NRXN3: variants seen among roughly 807,000 people sequenced by gnomAD.
NRXN3 encodes the protein neurexin III.
A neutral mutation model predicts 137.6 loss-of-function variants in NRXN3; 32 were observed. That is an observed-to-expected ratio of 0.23 (90% CI 0.18 to 0.31). The LOEUF (loss-of-function observed/expected upper bound fraction) is 0.31. NRXN3 is among the 10% of genes least tolerant of loss of function. The pLI is 1.00. For synonymous variants in NRXN3, 798 were observed against 784.5 expected, an observed-to-expected ratio of 1.02 and a Z score of -0.29; for missense variants, 1,574 against 2,062.5, an observed-to-expected ratio of 0.76 and a Z score of 4.59.
rs528720131 is a variant in NRXN3, at chr14:79,788,537, G to T, written c.4015-16575G>T. On this transcript the variant is annotated intron_variant, in intron 19 of 20. Transcript: ENST00000335750. ...ATCCATTTCAAACCACATAACAATA[G>T]CATGAAGTAGATGTCACTGACTCAA... 2.0e-5 allele frequency among the ~76,000 whole-genome samples: 3 copies of T among 152,240 alleles called. No homozygotes were observed. In the East Asian group the frequency reaches 5.8e-4, roughly 29 times the overall value.
In NRXN3 at chr14:78,610,672, A is replaced by G. The variant is rs1487026411; in HGVS notation, c.758-34448A>G. Among the ~76,000 whole-genome samples, 3 of 152,234 alleles carry G rather than the reference A, an allele frequency of 2.0e-5. No individual in the cohort carries two copies. In the East Asian group the frequency reaches 5.8e-4, roughly 29 times the overall value. ...GCCCAGGTATTGATGTCCTTGATGA[A>G]ACTGGTTTTTGTATTCTGAATGTTG... On this transcript the variant is annotated intron_variant, in intron 4 of 20. Transcript: ENST00000335750.
chr14:79,648,665 T>G (rs2098462218), intron 16 of NRXN3, among the ~76,000 whole-genome samples: 1 of 86,118 alleles, frequency 1.2e-5, no homozygotes, highest in South Asian at 3.3e-4. Flanking sequence ...GTTTGTGTAT[T>G]GTGCCTCTCT....
In NRXN3 at chr14:78,216,929, A is replaced by T. The variant is rs138432290; in HGVS notation, c.-703-25462A>T. On this transcript the variant is annotated intron_variant, in intron 1 of 20. Transcript: ENST00000335750. ...GTCTTCCCTGTGTCTCTGTGTCCAC[A>T]TCTCTCTATCCCTCTAAGGACACTA... Among the ~76,000 whole-genome samples the T allele has an allele frequency of 6.6e-3, 1,009 of 152,140 alleles. 14 individuals are homozygous for T. The highest frequency in any genetic ancestry group is 0.023 in the African/African-American group (959 of 41,516).
At chr14:79,257,780 T>G (rs897401116) in intron 15 of NRXN3, among the ~76,000 whole-genome samples, 2 of 151,836 alleles carry the variant, frequency 1.3e-5, no homozygotes, top group South Asian at 2.1e-4. Flanking sequence ...CAAGTAACAT[T>G]TGATTTTTAA....
intron 1 of NRXN3, among the ~76,000 whole-genome samples, chr14:78,183,169 C>T (rs2059960732): frequency 6.6e-6 from 1 of 152,194 alleles, no homozygotes; most frequent in South Asian, 2.1e-4. Context: ...CATTTTTCTT[C>T]CTTCTGGCAA....
intron 15 of NRXN3, among the ~76,000 whole-genome samples, chr14:79,315,345 G>A (rs140449731): frequency 6.6e-6 from 1 of 152,270 alleles, no homozygotes; most frequent in East Asian, 1.9e-4. Context: ...TGGGCTGATA[G>A]TATTTGATTT....
chr14:79,087,791 T>C (rs1394623955), intron 15 of NRXN3, among the ~76,000 whole-genome samples: 1 of 152,168 alleles, frequency 6.6e-6, no homozygotes, highest in Non-Finnish European at 1.5e-5. Context: ...GAGCAAGAAA[T>C]ATCAGGCAAC....
intron 15 of NRXN3, among the ~76,000 whole-genome samples, chr14:79,278,034 T>C (rs927601190): frequency 5.9e-5 from 9 of 152,168 alleles, no homozygotes; most frequent in Non-Finnish European, 1.2e-4. Flanking sequence ...CAACACCTCC[T>C]TGGGGTGTCT....
intron 4 of NRXN3, among the ~76,000 whole-genome samples, chr14:78,607,899 T>C (rs1458915781): frequency 6.6e-6 from 1 of 152,112 alleles, no homozygotes; most frequent in Non-Finnish European, 1.5e-5. Flanking sequence ...AGTTGACTGG[T>C]AGGAACATTT....
At chr14:79,579,103 G>A (rs2097691312) in intron 16 of NRXN3, among the ~76,000 whole-genome samples, 2 of 151,786 alleles carry the variant, frequency 1.3e-5, no homozygotes, top group East Asian at 3.9e-4. Flanking sequence ...TTTCACATAT[G>A]ACCTGAAATT....
chr14:79,426,578 C>T (rs991277433), intron 15 of NRXN3, among the ~76,000 whole-genome samples: 3 of 152,200 alleles, frequency 2.0e-5, no homozygotes, highest in African/African-American at 7.2e-5. Flanking sequence ...TTACAGCCAC[C>T]TATAAAAACC....
chr14:79,406,002 C>G (rs922732137), intron 15 of NRXN3, among the ~76,000 whole-genome samples: 4 of 152,074 alleles, frequency 2.6e-5, no homozygotes, highest in African/African-American at 9.7e-5. Context: ...GGGAACATGT[C>G]CATGAACATT....
intron 7 of NRXN3, 53 bp downstream of exon 7, chr14:78,709,708 A>G: frequency 1.3e-6 from 2 of 1,519,386 alleles, no homozygotes; most frequent in Non-Finnish European, 1.8e-6. Context: ...GTAGCTTCTC[A>G]GTTTGTTTTT....
At chr14:79,711,561 C>A (rs949893014) in intron 19 of NRXN3, among the ~76,000 whole-genome samples, 1 of 152,032 alleles carries the variant, frequency 6.6e-6, no homozygotes, top group Admixed American at 6.6e-5. Context: ...CTCAAGTGAT[C>A]CTCCTGCGTT....
intron 11 of NRXN3, among the ~76,000 whole-genome samples, chr14:78,961,591 G>A (rs904985798): frequency 1.3e-5 from 2 of 152,178 alleles, no homozygotes; most frequent in Non-Finnish European, 2.9e-5. Flanking sequence ...TAAGCCATAG[G>A]CACTCTATTA....
chr14:78,271,540 T>C (rs1412834356), intron 2 of NRXN3, among the ~76,000 whole-genome samples: 1 of 151,774 alleles, frequency 6.6e-6, no homozygotes, highest in African/African-American at 2.4e-5. Flanking sequence ...AACAACCAGA[T>C]TGCCTCTTCT....
chr14:78,754,323 G>GT, intron 8 of NRXN3, among the ~76,000 whole-genome samples: 1 of 152,186 alleles, frequency 6.6e-6, no homozygotes, highest in Middle Eastern at 3.4e-3. Context: ...CCGTTTCTTT[G>GT]TTCAGCCCCA....
chr14:78,511,833 C>G (rs1036069554), intron 4 of NRXN3, among the ~76,000 whole-genome samples: 1 of 152,056 alleles, frequency 6.6e-6, no homozygotes, highest in African/African-American at 2.4e-5. Context: ...GAACCCAGGA[C>G]TTCCAGCTCC....
intron 16 of NRXN3, among the ~76,000 whole-genome samples, chr14:79,573,385 A>C (rs1455761005): frequency 6.6e-6 from 1 of 152,138 alleles, no homozygotes; most frequent in Non-Finnish European, 1.5e-5. Context: ...AGCTCTTCTA[A>C]GGTGGGCAGC....
Sources: allele counts gnomAD v4.1 joint callset (sites outside exome capture counted in the v4.1 genomes callset), GRCh38; gene constraint gnomAD v4.1.1; transcripts MANE v1.5; gene names NCBI Gene and HGNC (gene_info 2026-07-23, HGNC 2026-07-21).